THRB: variants seen among roughly 807,000 people sequenced by gnomAD.
THRB encodes the protein thyroid hormone receptor beta.
Under a neutral mutation model 47.8 loss-of-function variants are expected in THRB, and 12 were observed. The observed-to-expected ratio is 0.25, with a 90% CI of 0.16 to 0.41. The LOEUF is 0.41. Among genes scored for constraint, THRB ranks in the 10% least tolerant of loss-of-function variants. The pLI is 1.00. For missense variants in THRB, 348 were observed against 589.2 expected, an observed-to-expected ratio of 0.59 and a Z score of 4.24; for synonymous variants, 218 against 212.2, an observed-to-expected ratio of 1.03 and a Z score of -0.24.
intron 3 of THRB, among the ~76,000 whole-genome samples, chr3:24,233,083 C>G (rs1179932476): frequency 6.6e-6 from 1 of 152,150 alleles, no homozygotes; most frequent in African/African-American, 2.4e-5. Context: ...AAAGCTCATT[C>G]CACTCATTGG....
intron 1 of THRB, among the ~76,000 whole-genome samples, chr3:24,449,961 T>C (rs142736404): frequency 6.6e-6 from 1 of 151,008 alleles, no homozygotes; most frequent in African/African-American, 2.4e-5. Flanking sequence ...CAAATGAACA[T>C]TTTAAGAATT....
intron 1 of THRB, among the ~76,000 whole-genome samples, chr3:24,474,425 C>G (rs902861769): frequency 3.3e-5 from 5 of 152,182 alleles, no homozygotes; most frequent in African/African-American, 9.7e-5. Flanking sequence ...ACTAATCAAT[C>G]ACAGTATTTT....
At chr3:24,290,117 G>A (rs2055768760) in intron 3 of THRB, among the ~76,000 whole-genome samples, 1 of 152,076 alleles carries the variant, frequency 6.6e-6, no homozygotes, top group African/African-American at 2.4e-5. Flanking sequence ...AGGCAATAAA[G>A]TTTTCCATAG....
chr3:24,215,199 AT>A (rs1388863298), intron 4 of THRB, among the ~76,000 whole-genome samples: 1 of 152,210 alleles, frequency 6.6e-6, no homozygotes, highest in Non-Finnish European at 1.5e-5. Flanking sequence ...TTTAAAAAAA[AT>A]CTCTGCCATT....
At chr3:24,406,675 G>A (rs559806387) in intron 1 of THRB, among the ~76,000 whole-genome samples, 1 of 151,770 alleles carries the variant, frequency 6.6e-6, no homozygotes, top group East Asian at 2.0e-4. Context: ...GTTTAGAGCT[G>A]TTAAGATGAT....
chr3:24,212,915 A>G (rs1052511898), intron 4 of THRB, among the ~76,000 whole-genome samples: 1 of 152,232 alleles, frequency 6.6e-6, no homozygotes, highest in African/African-American at 2.4e-5. Context: ...GAGCCAAAAC[A>G]TTCAGATGAT....
chr3:24,356,590 A>G (rs2063687151), intron 1 of THRB, among the ~76,000 whole-genome samples: 1 of 152,132 alleles, frequency 6.6e-6, no homozygotes, highest in Non-Finnish European at 1.5e-5. Flanking sequence ...AGACCCCACT[A>G]GAACTGCCCT....
At chr3:24,196,518 C>T (rs756381450) in intron 4 of THRB, among the ~76,000 whole-genome samples, 2 of 152,140 alleles carry the variant, frequency 1.3e-5, no homozygotes, top group Non-Finnish European at 2.9e-5. Context: ...CTTATGCATC[C>T]ACATGACCTC....
chr3:24,340,810 A>C (rs2062588791), intron 1 of THRB, among the ~76,000 whole-genome samples: 2 of 152,214 alleles, frequency 1.3e-5, no homozygotes, highest in Admixed American at 1.3e-4. Flanking sequence ...CTAATATGTT[A>C]TTAAACATTA....
chr3:24,311,230 T>G (rs112351590), intron 2 of THRB, among the ~76,000 whole-genome samples: 25 of 152,156 alleles, frequency 1.6e-4, no homozygotes, highest in African/African-American at 5.3e-4. Context: ...GAATTCTGAC[T>G]GAGGAAAATG....
rs758391920 is a variant in THRB, at chr3:24,190,064, A to G, written c.283+10T>C. 1 of 1,613,932 alleles carries G rather than the reference A, an allele frequency of 6.2e-7. No individual in the cohort carries two copies. Among genetic ancestry groups the G allele is most frequent in the South Asian group, 1.1e-5 (1 of 91,068 alleles). On this transcript the variant is annotated intron_variant, in intron 5 of 10. Coordinates refer to ENST00000646209, the MANE Select transcript of THRB (RefSeq NM_001354712.2). ...AACACATGATAATGGGCTAATAAAAATCTGGTTACCTTTACATTTCTTCTC... is the reference window on the plus strand; with the variant it reads ...AACACATGATAATGGGCTAATAAAAGTCTGGTTACCTTTACATTTCTTCTC...
intron 1 of THRB, among the ~76,000 whole-genome samples, chr3:24,441,398 A>T (rs922816654): frequency 2.6e-5 from 4 of 152,206 alleles, no homozygotes; most frequent in Non-Finnish European, 4.4e-5. Flanking sequence ...TGGCTGAGGC[A>T]TAGTGAGGAA....
At chr3:24,456,522 A>G (rs897442041) in intron 1 of THRB, among the ~76,000 whole-genome samples, 4 of 151,780 alleles carry the variant, frequency 2.6e-5, no homozygotes, top group African/African-American at 9.7e-5. Flanking sequence ...CCATCTTCCT[A>G]TCATTCAGTA....
intron 3 of THRB, among the ~76,000 whole-genome samples, chr3:24,277,158 G>A (rs1396999481): frequency 6.6e-6 from 1 of 152,122 alleles, no homozygotes; most frequent in East Asian, 1.9e-4. Context: ...TATCAATTTT[G>A]CAATTTTGGG....
intron 1 of THRB, among the ~76,000 whole-genome samples, chr3:24,477,152 A>G (rs1365359256): frequency 5.3e-5 from 8 of 151,282 alleles, no homozygotes; most frequent in Admixed American, 5.3e-4. Flanking sequence ...AAATGTTTCA[A>G]ATACATTTGA....
intron 3 of THRB, among the ~76,000 whole-genome samples, chr3:24,257,721 C>G (rs905564568): frequency 1.3e-5 from 2 of 152,240 alleles, no homozygotes; most frequent in Non-Finnish European, 2.9e-5. Flanking sequence ...GCAGTGGGCA[C>G]TTTCCACAGT....
rs144083535 is a variant in THRB at position 24,129,051 on chromosome 3, C to T, written c.886-1294G>A. Among the ~76,000 whole-genome samples, 36 of 152,202 alleles carry T rather than the reference C, an allele frequency of 2.4e-4. No homozygotes were observed. The East Asian group carries it at 6.8e-3, about 29-fold the overall frequency. ...ATATAAAAGTAATACAACTGAATTACATCTAAAATACTGGGCATTTTATGT... is the reference window on the plus strand; with the variant it reads ...ATATAAAAGTAATACAACTGAATTATATCTAAAATACTGGGCATTTTATGT... On this transcript the variant is annotated intron_variant, in intron 9 of 10. Coordinates refer to ENST00000646209, the MANE Select transcript of THRB (RefSeq NM_001354712.2).
intron 1 of THRB, among the ~76,000 whole-genome samples, chr3:24,393,437 G>A (rs899038755): frequency 6.6e-6 from 1 of 152,100 alleles, no homozygotes; most frequent in African/African-American, 2.4e-5. Flanking sequence ...AGTAGCTGAG[G>A]GGAGTTTGGG....
intron 1 of THRB, among the ~76,000 whole-genome samples, chr3:24,491,326 C>G (rs1158876722): frequency 1.3e-5 from 2 of 152,182 alleles, no homozygotes; most frequent in African/African-American, 4.8e-5. Flanking sequence ...GACACAAAAA[C>G]AAATCACCAT....
Sources: allele counts gnomAD v4.1 joint callset (sites outside exome capture counted in the v4.1 genomes callset), GRCh38; gene constraint gnomAD v4.1.1; transcripts MANE v1.5; gene names NCBI Gene and HGNC (gene_info 2026-07-23, HGNC 2026-07-21).